OXR1: variants seen among roughly 807,000 people sequenced by gnomAD.
OXR1 encodes the protein oxidation resistance protein 1.
Under a neutral mutation model 104.6 loss-of-function variants are expected in OXR1, and 41 were observed. That is an observed-to-expected ratio of 0.39 (90% CI 0.31 to 0.51). OXR1 has a LOEUF of 0.51. OXR1 is among the 20% of genes least tolerant of loss of function. The pLI is 0.77. For missense variants in OXR1, 955 were observed against 1,031.9 expected, an observed-to-expected ratio of 0.93 and a Z score of 1.02; for synonymous variants, 348 against 348.4, an observed-to-expected ratio of 1.00 and a Z score of 0.01.
At chr8:106,312,345 C>T (rs1241009022) in intron 1 of OXR1, among the ~76,000 whole-genome samples, 1 of 152,198 alleles carries the variant, frequency 6.6e-6, no homozygotes, top group African/African-American at 2.4e-5. Context: ...AGAGAGCAGT[C>T]TTAGAAGAGT....
intron 3 of OXR1, among the ~76,000 whole-genome samples, chr8:106,540,437 T>G (rs754805896): frequency 1.3e-5 from 2 of 152,240 alleles, no homozygotes; most frequent in Non-Finnish European, 2.9e-5. Context: ...ATAACATTTT[T>G]CATTTTTGCA....
chr8:106,349,162 A>G (rs558510678), intron 1 of OXR1, among the ~76,000 whole-genome samples: 4 of 152,298 alleles, frequency 2.6e-5, no homozygotes, highest in South Asian at 4.1e-4. Context: ...AAGAATTTAA[A>G]AAAATTAGGG....
At chr8:106,717,032 A>G (rs1333736915) in intron 11 of OXR1, among the ~76,000 whole-genome samples, 4 of 152,074 alleles carry the variant, frequency 2.6e-5, no homozygotes, top group Non-Finnish European at 5.9e-5. Context: ...CTAAAAATAC[A>G]AAAATTAGCT....
intron 3 of OXR1, among the ~76,000 whole-genome samples, chr8:106,555,107 T>G (rs538737032): frequency 6.6e-6 from 1 of 152,280 alleles, no homozygotes; most frequent in South Asian, 2.1e-4. Context: ...GTACGTTAGA[T>G]CCTTCGATGT....
intron 2 of OXR1, among the ~76,000 whole-genome samples, chr8:106,407,721 G>A (rs1429119165): frequency 2.0e-5 from 3 of 152,176 alleles, no homozygotes; most frequent in Non-Finnish European, 4.4e-5. Context: ...AACTGTACGT[G>A]TACAATTTGG....
intron 3 of OXR1, among the ~76,000 whole-genome samples, chr8:106,564,437 G>A (rs748672577): frequency 8.6e-5 from 13 of 151,016 alleles, no homozygotes; most frequent in South Asian, 8.4e-4. Flanking sequence ...GCCCCACCAC[G>A]ACTAAAATCC....
At chr8:106,644,408 A>T (rs1823907389) in intron 3 of OXR1, among the ~76,000 whole-genome samples, 1 of 152,224 alleles carries the variant, frequency 6.6e-6, no homozygotes, top group African/African-American at 2.4e-5. Context: ...AGCTAAGCTT[A>T]TTCTGTGATG....
intron 3 of OXR1, 83 bp from the exon 4 acceptor site, chr8:106,679,127 G>C (rs1563696976): frequency 2.7e-6 from 2 of 744,282 alleles, no homozygotes; most frequent in Middle Eastern, 2.4e-4. Flanking sequence ...TTAGACATCT[G>C]CCCAAAGAGC....
At chr8:106,420,759 T>TGTGTGTGTGTGTGTGTGTGTGTG (rs1563513879) in intron 2 of OXR1, among the ~76,000 whole-genome samples, 1 of 151,538 alleles carries the variant, frequency 6.6e-6, no homozygotes, top group African/African-American at 2.4e-5. Flanking sequence ...TGTGTGTGTG[T>TGTGTGTGTGTGTGTGTGTGTGTG]TAGTTACTAG....
chr8:106,458,263 C>T (rs75563377), intron 2 of OXR1, among the ~76,000 whole-genome samples: 1 of 152,164 alleles, frequency 6.6e-6, no homozygotes, highest in Non-Finnish European at 1.5e-5. Flanking sequence ...CTGCCCAGGT[C>T]TGCCATGGGA....
chr8:106,457,156 A>G (rs752008616), intron 2 of OXR1, among the ~76,000 whole-genome samples: 1 of 152,208 alleles, frequency 6.6e-6, no homozygotes, highest in African/African-American at 2.4e-5. Flanking sequence ...ACTGGTGTGC[A>G]CAATAATTAC....
In OXR1 at chr8:106,696,360, T is replaced by C. The variant is rs1358978817; in HGVS notation, c.675+3483T>C. On this transcript the variant is annotated intron_variant, in intron 7 of 16. Coordinates refer to ENST00000517566, the MANE Select transcript of OXR1 (RefSeq NM_001198533.2). ...TCCACTGAGTGGATGTACTGTAGTT[T>C]ATCCATTCCACTATTAAATGACATC... Among the ~76,000 whole-genome samples the C allele has an allele frequency of 5.3e-5, 8 of 152,250 alleles. No homozygotes were observed. The East Asian group carries it at 1.5e-3, about 29-fold the overall frequency.
rs1393270991 is a variant in OXR1 at position 106,614,751 on chromosome 8, A to G, written c.221-64459A>G. ...TATCTTATAGATATGACATATAGAT[A>G]AATAGATATATTTACTTATATACAT... is the stretch of plus-strand genomic sequence containing the variant. On this transcript the variant is annotated intron_variant, in intron 3 of 16. Transcript: ENST00000517566. Among the ~76,000 whole-genome samples the G allele has an allele frequency of 2.0e-5, 3 of 152,370 alleles. No individual in the cohort carries two copies. In the East Asian group the frequency reaches 5.8e-4, roughly 29 times the overall value.
intron 9 of OXR1, 105 bp downstream of exon 9, chr8:106,707,250 A>G: frequency 1.1e-6 from 1 of 918,484 alleles, no homozygotes; most frequent in Non-Finnish European, 1.8e-6. Flanking sequence ...CCTGAAGGAT[A>G]AGTGAGTGAC....
At chr8:106,333,907 T>C (rs1563723041) in intron 1 of OXR1, among the ~76,000 whole-genome samples, 1 of 152,134 alleles carries the variant, frequency 6.6e-6, no homozygotes. Flanking sequence ...TCCTACCAAC[T>C]TTTGTTCTTT....
chr8:106,680,796 T>C (rs77947296), intron 4 of OXR1, among the ~76,000 whole-genome samples: 94 of 152,290 alleles, frequency 6.2e-4, no homozygotes, highest in African/African-American at 2.2e-3. Flanking sequence ...CTAAACAAAT[T>C]ATGGAAGCCT....
At chr8:106,406,755 T>C (rs1374453413) in intron 2 of OXR1, among the ~76,000 whole-genome samples, 1 of 152,150 alleles carries the variant, frequency 6.6e-6, no homozygotes, top group Non-Finnish European at 1.5e-5. Context: ...CTACTCTGAA[T>C]GATACTATAA....
intron 2 of OXR1, among the ~76,000 whole-genome samples, chr8:106,430,677 A>T (rs1011689794): frequency 1.3e-5 from 2 of 152,196 alleles, no homozygotes; most frequent in Non-Finnish European, 2.9e-5. Flanking sequence ...GGAGAAAATA[A>T]TAGAGCCTTC....
rs1171060200 is a variant in OXR1 at position 106,751,372 on chromosome 8, G to A, written c.*431G>A. ...GACTGGATACTTCTGTATCTGTGAA[G>A]TTGGCACAGGTAACATTTGGACATG... On this transcript the variant is annotated 3_prime_UTR_variant, in exon 17 of 17. Coordinates refer to ENST00000517566, the MANE Select transcript of OXR1 (RefSeq NM_001198533.2). 1 of 152,948 alleles carries A rather than the reference G, an allele frequency of 6.5e-6. No homozygotes were observed. Among genetic ancestry groups the A allele is most frequent in the African/African-American group, 2.4e-5 (1 of 41,444 alleles). 9.5% of individuals were successfully genotyped at this position (152,948 alleles called of 1,614,324 possible). A position where few individuals can be genotyped will look rare whatever the true frequency, so the allele number is the denominator to read the frequency against.
Sources: allele counts gnomAD v4.1 joint callset (sites outside exome capture counted in the v4.1 genomes callset), GRCh38; gene constraint gnomAD v4.1.1; transcripts MANE v1.5; gene names NCBI Gene and HGNC (gene_info 2026-07-23, HGNC 2026-07-21).